Variants in GSE1 observed in about 807,000 individuals in gnomAD.
GSE1 encodes genetic suppressor element 1.
A neutral mutation model predicts 112.6 loss-of-function variants in GSE1; 32 were observed. The observed-to-expected ratio is 0.28, with a 90% CI of 0.21 to 0.38. GSE1 has a LOEUF of 0.38. GSE1 is among the 10% of genes least tolerant of loss of function. GSE1 has a pLI of 1.00. For synonymous variants in GSE1, 1,115 were observed against 735.6 expected, an observed-to-expected ratio of 1.52 and a Z score of -8.35; for missense variants, 2,348 against 1,699.2, an observed-to-expected ratio of 1.38 and a Z score of -6.71.
chr16:85,509,998 TG>T (rs1214024276), intron 2 of GSE1, among the ~76,000 whole-genome samples: 1 of 152,208 alleles, frequency 6.6e-6, no homozygotes, highest in African/African-American at 2.4e-5. Flanking sequence ...GGCTCCCTGT[TG>T]GAACCGCATT....
chr16:85,302,938 C>T (rs895283986), intron 1 of GSE1, among the ~76,000 whole-genome samples: 27 of 152,302 alleles, frequency 1.8e-4, no homozygotes, highest in African/African-American at 6.3e-4. Flanking sequence ...CAAGGTGACT[C>T]GGGGTCCGGT....
chr16:85,663,199 G>GC, intron 10 of GSE1, 106 bp downstream of exon 10: 1 of 1,270,370 alleles, frequency 7.9e-7, no homozygotes, highest in Admixed American at 1.7e-5. Context: ...CGAAGTCCTG[G>GC]CGGGTTCGCC....
rs1031522606 is a variant in GSE1, at chr16:85,264,691, T to A, written c.2284-92772T>A. 2.6e-5 allele frequency among the ~76,000 whole-genome samples: 4 copies of A among 152,244 alleles called. No individual in the cohort carries two copies. In the East Asian group the frequency reaches 7.7e-4, roughly 29 times the overall value. On this transcript the variant is annotated intron_variant, in intron 1 of 2. Coordinates refer to the GSE1 transcript ENST00000637419. ...CTGGTGCTTGTCGCAGCTCAAGCCCTCTCTCCCTGCTCGACTTCCCAGCTG... is the reference window on the plus strand; with the variant it reads ...CTGGTGCTTGTCGCAGCTCAAGCCCACTCTCCCTGCTCGACTTCCCAGCTG...
intron 2 of GSE1, among the ~76,000 whole-genome samples, chr16:85,424,697 T>C (rs915433295): frequency 1.3e-5 from 2 of 152,242 alleles, no homozygotes; most frequent in African/African-American, 4.8e-5. Flanking sequence ...GAATCGCTAA[T>C]GTTCCTGCGC....
At chr16:85,605,088 A>G (rs2047643393) in intron 1 of GSE1, among the ~76,000 whole-genome samples, 1 of 150,962 alleles carries the variant, frequency 6.6e-6, no homozygotes, top group Middle Eastern at 3.2e-3. Context: ...AAGTGTTGGG[A>G]TTACAGATGT....
intron 2 of GSE1, among the ~76,000 whole-genome samples, chr16:85,449,463 T>A (rs1053602321): frequency 6.6e-5 from 10 of 152,266 alleles, no homozygotes; most frequent in African/African-American, 2.4e-4. Context: ...GCTGCGGTCG[T>A]GGCCCTGTCT....
intron 2 of GSE1, among the ~76,000 whole-genome samples, chr16:85,400,033 C>A (rs1207733098): frequency 3.9e-5 from 6 of 152,242 alleles, no homozygotes; most frequent in African/African-American, 1.4e-4. Context: ...AGCGCAAACA[C>A]AGGGGCCTCC....
At position 85,655,859 on chromosome 16, in the gene GSE1, T is replaced by C. The variant is rs1208009316; in HGVS notation, c.931T>C (p.Ser311Pro). 6.2e-7 allele frequency: 1 copy of C among 1,608,118 alleles called. No homozygotes were observed. The highest frequency in any genetic ancestry group is 8.5e-7 in the Non-Finnish European group (1 of 1,179,266). Reference sequence around the variant, plus strand: ...TGGGGTCCGCTACCCTCCCGAGCTCTCCCACTCATCCCTGGCAGCGCTGCA... The same window carrying C: ...TGGGGTCCGCTACCCTCCCGAGCTCCCCCACTCATCCCTGGCAGCGCTGCA... ...LSGVRYPPEL[S>P]HSSLAALHSE... The change falls in exon 6 of 16, where the codon TCC becomes CCC. Residue 311 changes from serine (S) to proline (P), a missense_variant. Transcript: ENST00000253458.
At chr16:85,648,143 C>T (rs1056795661) in intron 2 of GSE1, among the ~76,000 whole-genome samples, 19 of 151,960 alleles carry the variant, frequency 1.3e-4, no homozygotes, top group Non-Finnish European at 2.5e-4. Flanking sequence ...CCTAGAAACA[C>T]GTGTGTTCTC....
At chr16:85,403,885 G>A (rs1207044332) in intron 2 of GSE1, among the ~76,000 whole-genome samples, 4 of 152,168 alleles carry the variant, frequency 2.6e-5, no homozygotes, top group South Asian at 2.1e-4. Flanking sequence ...GGGCAGGGCT[G>A]CACCCCCTTC....
intron 1 of GSE1, among the ~76,000 whole-genome samples, chr16:85,298,577 G>A (rs763854255): frequency 6.6e-6 from 1 of 152,134 alleles, no homozygotes; most frequent in Admixed American, 6.6e-5. Flanking sequence ...CCAGGTGTGC[G>A]CCACCATGCC....
intron 1 of GSE1, among the ~76,000 whole-genome samples, chr16:85,195,280 A>C (rs2143491985): frequency 6.6e-6 from 1 of 152,350 alleles, no homozygotes; most frequent in Admixed American, 6.5e-5. Context: ...CGCTGTAACA[A>C]AACATCTTAC....
chr16:85,502,914 C>T (rs549043235), intron 2 of GSE1, among the ~76,000 whole-genome samples: 52 of 152,028 alleles, frequency 3.4e-4, no homozygotes, highest in Non-Finnish European at 6.6e-4. Context: ...GGCTGGGTGC[C>T]CACGGAAGAC....
At chr16:85,401,915 C>T (rs1054481630) in intron 2 of GSE1, among the ~76,000 whole-genome samples, 3 of 152,232 alleles carry the variant, frequency 2.0e-5, no homozygotes, top group African/African-American at 4.8e-5. Flanking sequence ...TGGGCAGCCC[C>T]GCTGTGAGTG....
At chr16:85,425,771 G>A (rs1240251604) in intron 2 of GSE1, among the ~76,000 whole-genome samples, 1 of 152,174 alleles carries the variant, frequency 6.6e-6, no homozygotes, top group African/African-American at 2.4e-5. Flanking sequence ...AGGAGACTGA[G>A]GCTGAGAGAC....
chr16:85,639,555 G>A (rs1012418286), intron 2 of GSE1, among the ~76,000 whole-genome samples: 5 of 152,240 alleles, frequency 3.3e-5, no homozygotes, highest in Admixed American at 1.3e-4. Context: ...CTTGTCCTTG[G>A]AGGTGCTTGT....
intron 1 of GSE1, among the ~76,000 whole-genome samples, chr16:85,625,241 ACAG>A (rs1414288951): frequency 6.6e-6 from 1 of 151,876 alleles, no homozygotes; most frequent in Non-Finnish European, 1.5e-5. Context: ...CTCCGCACAC[ACAG>A]CAGCCGCTTA....
chr16:85,211,512 C>T (rs927684398), intron 1 of GSE1, among the ~76,000 whole-genome samples: 4 of 152,192 alleles, frequency 2.6e-5, no homozygotes, highest in Admixed American at 6.5e-5. Context: ...CGGCGAGCCT[C>T]GCTTCAGTCA....
At position 85,666,162 on chromosome 16, in the gene GSE1, G is replaced by A; in HGVS notation, c.2945G>A (p.Gly982Asp). 1.9e-6 allele frequency: 3 copies of A among 1,613,422 alleles called. No homozygotes were observed. Among genetic ancestry groups the A allele is most frequent in the Non-Finnish European group, 2.5e-6 (3 of 1,180,020 alleles). The change falls in exon 13 of 16, where the codon GGC becomes GAC. Residue 982 changes from glycine (G) to aspartate (D), a missense_variant. Transcript: ENST00000253458. The part of the protein sequence containing the change: ...EKARLSEAPG[G>D]KKSLSMLHYI... ...GCCAGGCTGAGCGAGGCCCCTGGAGGCAAAAAGAGTCTGAGCATGCTTCAC... is the reference window on the plus strand; with the variant it reads ...GCCAGGCTGAGCGAGGCCCCTGGAGACAAAAAGAGTCTGAGCATGCTTCAC...
Sources: allele counts gnomAD v4.1 joint callset (sites outside exome capture counted in the v4.1 genomes callset), GRCh38; gene constraint gnomAD v4.1.1; transcripts MANE v1.5; gene names NCBI Gene and HGNC (gene_info 2026-07-23, HGNC 2026-07-21).